PPP1R17: variants seen among roughly 807,000 people sequenced by gnomAD.
The protein encoded by PPP1R17 is G-substrate.
In PPP1R17, 12 loss-of-function variants were observed where a neutral mutation model predicts 15.9. The ratio of observed to expected loss-of-function variants is 0.75; its 90% CI spans 0.48 to 1.22. The LOEUF is 1.22. Ranked by LOEUF, PPP1R17 falls within the 50% of genes most tolerant of loss-of-function variation. The probability of loss-of-function intolerance (pLI) is 0.00; values close to 1 mark genes in which losing one functional copy is unlikely to be tolerated. For missense variants in PPP1R17, 211 were observed against 187.3 expected, an observed-to-expected ratio of 1.13 and a Z score of -0.74; for synonymous variants, 63 against 64.5, an observed-to-expected ratio of 0.98 and a Z score of 0.11.
chr7:31,689,428 T>C (rs1460547901), intron 1 of PPP1R17, among the ~76,000 whole-genome samples: 1 of 152,050 alleles, frequency 6.6e-6, no homozygotes, highest in African/African-American at 2.4e-5. Flanking sequence ...TACAGGGAGA[T>C]GATGAAACCT....
rs779543393 is a variant in PPP1R17 at position 31,707,240 on chromosome 7, T to G, written c.425T>G (p.Ile142Ser). ...CTCAGGGACGAGAGACCCAAAGCAA[T>G]CGTGGAAGATGACGAAAAGGATGGT... Reference protein sequence around the residue: ...TLLRDERPKAIVEDDEKDGDK... With the variant: ...TLLRDERPKASVEDDEKDGDK... Residue 142 changes from isoleucine to serine, a missense_variant, in exon 5 of 5, where the codon ATC becomes AGC. Physicochemically the swap from Ile to Ser is moderately radical, Grantham distance 142. Transcript: ENST00000342032. 26 of 1,613,952 alleles carry G rather than the reference T, an allele frequency of 1.6e-5. No individual in the cohort carries two copies. The highest frequency in any genetic ancestry group is 2.1e-5 in the Non-Finnish European group (25 of 1,179,966).
intron 1 of PPP1R17, 88 bp from the exon 2 acceptor site, chr7:31,692,318 G>T: frequency 1.3e-6 from 1 of 753,724 alleles, no homozygotes; most frequent in African/African-American, 1.7e-5. Context: ...ACAATAGCAG[G>T]TGCTCAACAA....
rs1335455848 is a variant in PPP1R17 at position 31,705,489 on chromosome 7, G to A, written c.389-1715G>A. On this transcript the variant is annotated intron_variant, in intron 4 of 4. Transcript: ENST00000342032. ...ATATCTCCCACTGTGTTTCATAAGT[G>A]ATTTATGCAAAAGCTGTAGTTTCAG... is the stretch of plus-strand genomic sequence containing the variant. Among the ~76,000 whole-genome samples the A allele has an allele frequency of 2.6e-5, 4 of 152,180 alleles. 1 individual carries two copies. Among genetic ancestry groups the A allele is most frequent in the Admixed American group, 2.0e-4 (3 of 15,268 alleles).
chr7:31,705,309 T>C (rs1468408657), intron 4 of PPP1R17, among the ~76,000 whole-genome samples: 2 of 152,176 alleles, frequency 1.3e-5, no homozygotes, highest in African/African-American at 4.8e-5. Context: ...CTTGCCCACT[T>C]TGAATCAACT....
chr7:31,706,804 C>T (rs1019675552), intron 4 of PPP1R17, among the ~76,000 whole-genome samples: 1 of 152,162 alleles, frequency 6.6e-6, no homozygotes, highest in East Asian at 1.9e-4. Flanking sequence ...ATAATTGTTA[C>T]TGTACTCATG....
At chr7:31,695,731 G>T in intron 3 of PPP1R17, 110 bp downstream of exon 3, 2 of 1,102,784 alleles carry the variant, frequency 1.8e-6, no homozygotes, top group Non-Finnish European at 2.6e-6. Flanking sequence ...AGTAATTTGT[G>T]CACTCCCCAC....
rs183467009 is a variant in PPP1R17 at position 31,692,563 on chromosome 7, C to T, written c.82+40C>T. 369 of 1,540,252 alleles carry T rather than the reference C, an allele frequency of 2.4e-4. 2 individuals carry two copies. In the East Asian group the frequency reaches 2.7e-3, roughly 11 times the overall value. ...GATTGTGAATGTCAGTGGTGGAAGT[C>T]AGAGAAGAGGCGTCTCAGCCATTTG... On this transcript the variant is annotated intron_variant, in intron 2 of 4. Transcript: ENST00000342032.
intron 4 of PPP1R17, among the ~76,000 whole-genome samples, chr7:31,703,046 T>A (rs1401554158): frequency 2.0e-5 from 3 of 152,220 alleles, no homozygotes; most frequent in Non-Finnish European, 4.4e-5. Flanking sequence ...ACAATTAACA[T>A]AAACTGTAAA....
chr7:31,706,914 C>T (rs1793091578), intron 4 of PPP1R17, among the ~76,000 whole-genome samples: 1 of 152,170 alleles, frequency 6.6e-6, no homozygotes, highest in Non-Finnish European at 1.5e-5. Context: ...ATTTTCCATC[C>T]CGCCATGCTG....
chr7:31,700,158 C>T (rs1792781356), intron 4 of PPP1R17, among the ~76,000 whole-genome samples: 2 of 152,166 alleles, frequency 1.3e-5, no homozygotes, highest in South Asian at 4.1e-4. Flanking sequence ...AAAATTAGGT[C>T]TCTTGTACCA....
Position 31,692,524 on chromosome 7 carries a change from G to A in PPP1R17, c.82+1G>A. The A allele has an allele frequency of 1.3e-6, 2 of 1,590,716 alleles. No homozygotes were observed. Among genetic ancestry groups the A allele is most frequent in the Non-Finnish European group, 1.7e-6 (2 of 1,158,832 alleles). The stretch of plus-strand genomic sequence containing the variant: ...CTAGACCCTCGTTGCAGCCACTTAG[G>A]TAAACAAATGATCGATTGTGAATGT... On this transcript the variant is annotated splice_donor_variant, in intron 2 of 4. Transcript: ENST00000342032. LOFTEE classifies it high-confidence loss of function.
At chr7:31,701,332 C>G (rs547253235) in intron 4 of PPP1R17, among the ~76,000 whole-genome samples, 24 of 152,162 alleles carry the variant, frequency 1.6e-4, no homozygotes, top group Non-Finnish European at 2.4e-4. Context: ...GTAGAAATAG[C>G]AAGAGAATTA....
chr7:31,705,453 G>T (rs567917731), intron 4 of PPP1R17, among the ~76,000 whole-genome samples: 1 of 150,540 alleles, frequency 6.6e-6, no homozygotes, highest in African/African-American at 2.5e-5. Flanking sequence ...TGTGCAGCTG[G>T]TGTACGAGAA....
In PPP1R17 at chr7:31,692,486, C is replaced by T. The variant is rs749955621; in HGVS notation, c.45C>T (p.Asp15=). 3 of 1,611,840 alleles carry T rather than the reference C, an allele frequency of 1.9e-6. No individual in the cohort carries two copies. The highest frequency in any genetic ancestry group is 1.7e-6 in the Non-Finnish European group (2 of 1,177,932). Residue 15 remains aspartate (D), a synonymous_variant, in exon 2 of 5, where the codon GAC becomes GAT. Coordinates refer to ENST00000342032, the MANE Select transcript of PPP1R17 (RefSeq NM_006658.5). ...EQMQPLELSE[D]RLDKLDPRCS... ...TGCAGCCACTGGAACTCTCAGAAGA[C>T]AGACTGGACAAGCTAGACCCTCGTT...
chr7:31,694,886 C>T (rs1046696308), intron 2 of PPP1R17, among the ~76,000 whole-genome samples: 5 of 152,068 alleles, frequency 3.3e-5, no homozygotes, highest in African/African-American at 1.2e-4. Flanking sequence ...AGTCAGAAGA[C>T]AGTAGGATCT....
At chr7:31,688,237 T>C (rs1414837333) in intron 1 of PPP1R17, among the ~76,000 whole-genome samples, 1 of 152,172 alleles carries the variant, frequency 6.6e-6, no homozygotes, top group African/African-American at 2.4e-5. Flanking sequence ...TTAACAGATT[T>C]GAAAACTAAA....
chr7:31,692,292 G>T, intron 1 of PPP1R17, 114 bp from the exon 2 acceptor site: 1 of 617,960 alleles, frequency 1.6e-6, no homozygotes, highest in African/African-American at 1.9e-5. Flanking sequence ...TAAAGAAACA[G>T]GATTGGATTG....
intron 1 of PPP1R17, among the ~76,000 whole-genome samples, chr7:31,687,749 T>C (rs1055404162): frequency 1.3e-5 from 2 of 152,204 alleles, no homozygotes; most frequent in African/African-American, 4.8e-5. Flanking sequence ...CTGAATTCAA[T>C]CCTCTGGTTA....
At chr7:31,698,954 C>T (rs1333589157) in intron 4 of PPP1R17, among the ~76,000 whole-genome samples, 1 of 152,090 alleles carries the variant, frequency 6.6e-6, no homozygotes, top group African/African-American at 2.4e-5. Flanking sequence ...TTTGCTCAGT[C>T]AATATTTATT....
Sources: gnomAD v4.1 joint callset for allele counts (sites outside exome capture counted in the v4.1 genomes callset) on GRCh38, gnomAD v4.1.1 for gene constraint, MANE v1.5 for transcripts, NCBI Gene and HGNC (gene_info 2026-07-23, HGNC 2026-07-21) for gene names.